The following DNM3 variants were observed in gnomAD, a reference collection of about 807,000 sequenced individuals.
DNM3 encodes the protein dynamin-3.
In DNM3, 47 loss-of-function variants were observed where a neutral mutation model predicts 101.6. The ratio of observed to expected loss-of-function variants is 0.46; its 90% CI spans 0.37 to 0.59. The LOEUF (loss-of-function observed/expected upper bound fraction) is 0.59. Among genes scored for constraint, DNM3 ranks in the 20% least tolerant of loss-of-function variants. The pLI, the probability that DNM3 is intolerant of heterozygous loss-of-function variation, is 0.00. For missense variants in DNM3, 849 were observed against 1,085.7 expected (o/e 0.78, Z 3.06); for synonymous variants, 385 against 387.9 (o/e 0.99, Z 0.09).
chr1:172,316,145 A>T (rs1342370019), intron 16 of DNM3, among the ~76,000 whole-genome samples: 1 of 152,204 alleles, frequency 6.6e-6, no homozygotes, highest in Non-Finnish European at 1.5e-5. Flanking sequence ...ACTAAGCTTC[A>T]TAAGTGAAGG....
At chr1:172,304,822 C>G (rs2064701483) in intron 15 of DNM3, among the ~76,000 whole-genome samples, 1 of 152,182 alleles carries the variant, frequency 6.6e-6, no homozygotes, top group Admixed American at 6.5e-5. Flanking sequence ...TAAAGACGTT[C>G]TTTGAAACCA....
intron 17 of DNM3, chr1:172,376,004 T>A (rs2068581974): frequency 6.6e-6 from 1 of 151,878 alleles, no homozygotes; most frequent in African/African-American, 2.4e-5. Context: ...AAAACAAAAA[T>A]AATAATAGTA....
intron 17 of DNM3, among the ~76,000 whole-genome samples, chr1:172,359,917 GT>G (rs2067656094): frequency 6.6e-6 from 1 of 151,916 alleles, no homozygotes; most frequent in South Asian, 2.1e-4. Flanking sequence ...CTGGATTCCT[GT>G]TGCACATAAC....
At chr1:171,851,537 C>T (rs544216691) in intron 1 of DNM3, among the ~76,000 whole-genome samples, 213 of 152,260 alleles carry the variant, frequency 1.4e-3, no homozygotes, top group African/African-American at 4.9e-3. Flanking sequence ...CCTCAGCCAC[C>T]TGAGTAGCTG....
intron 17 of DNM3, among the ~76,000 whole-genome samples, chr1:172,330,050 C>T (rs1044048006): frequency 6.6e-6 from 1 of 152,184 alleles, no homozygotes; most frequent in Non-Finnish European, 1.5e-5. Context: ...TGCATGTAGC[C>T]TCCCTGGAGG....
chr1:171,994,026 T>C (rs1571997991), intron 4 of DNM3, among the ~76,000 whole-genome samples: 1 of 151,304 alleles, frequency 6.6e-6, no homozygotes. Flanking sequence ...TAGATTATTA[T>C]TTTTTTTTAG....
intron 11 of DNM3, among the ~76,000 whole-genome samples, chr1:172,072,879 T>C (rs10218614): frequency 0.068 from 10,387 of 152,230 alleles, 699 homozygotes; most frequent in East Asian, 0.17. Context: ...AGAGTGAGAC[T>C]TGTCTCAAAA....
At chr1:171,982,723 T>G (rs777291899) in intron 2 of DNM3, among the ~76,000 whole-genome samples, 6 of 152,150 alleles carry the variant, frequency 3.9e-5, no homozygotes, top group South Asian at 2.1e-4. Context: ...TAGTAGTATA[T>G]AAACTGTATA....
intron 15 of DNM3, among the ~76,000 whole-genome samples, chr1:172,305,990 C>G (rs771870850): frequency 1.3e-5 from 2 of 152,338 alleles, no homozygotes; most frequent in East Asian, 1.9e-4. Flanking sequence ...GATGCCCTCT[C>G]TCACCACTCG....
At chr1:172,354,894 C>T (rs981306260) in intron 17 of DNM3, among the ~76,000 whole-genome samples, 1 of 152,070 alleles carries the variant, frequency 6.6e-6, no homozygotes, top group African/African-American at 2.4e-5. Context: ...AGCCAGGACA[C>T]TTAAAAAGCT....
intron 6 of DNM3, among the ~76,000 whole-genome samples, chr1:172,035,632 A>C (rs2048901963): frequency 6.6e-6 from 1 of 152,168 alleles, no homozygotes; most frequent in South Asian, 2.1e-4. Flanking sequence ...TCTGAGAAGC[A>C]AAAGGTGGAA....
intron 14 of DNM3, among the ~76,000 whole-genome samples, chr1:172,235,833 C>T (rs538008320): frequency 2.6e-5 from 4 of 151,620 alleles, no homozygotes; most frequent in East Asian, 1.9e-4. Flanking sequence ...CATAACACAC[C>T]GGGGCCTGTT....
At chr1:171,989,586 G>A (rs2045501345) in intron 4 of DNM3, among the ~76,000 whole-genome samples, 3 of 152,070 alleles carry the variant, frequency 2.0e-5, no homozygotes, top group Admixed American at 6.6e-5. Flanking sequence ...AAGCTCTAAT[G>A]CATGTAAGAT....
chr1:172,279,882 A>G (rs1011778869), intron 15 of DNM3, among the ~76,000 whole-genome samples: 1 of 152,138 alleles, frequency 6.6e-6, no homozygotes, highest in Non-Finnish European at 1.5e-5. Context: ...TGCAGCAACC[A>G]GAGTGGTATT....
intron 14 of DNM3, among the ~76,000 whole-genome samples, chr1:172,169,085 A>G (rs1369996115): frequency 6.6e-6 from 1 of 151,890 alleles, no homozygotes. Flanking sequence ...TCACCATAGT[A>G]TATCTTGCTC....
At chr1:172,176,334 T>A (rs536092478) in intron 14 of DNM3, among the ~76,000 whole-genome samples, 2 of 151,998 alleles carry the variant, frequency 1.3e-5, no homozygotes, top group South Asian at 4.1e-4. Context: ...CATTTTCCCC[T>A]AGAGCTGGTC....
chr1:172,109,236 T>C (rs1423255435), intron 13 of DNM3, among the ~76,000 whole-genome samples: 2 of 152,254 alleles, frequency 1.3e-5, no homozygotes, highest in African/African-American at 2.4e-5. Flanking sequence ...ATATATATTT[T>C]ATTCTCTTCA....
intron 17 of DNM3, among the ~76,000 whole-genome samples, chr1:172,344,097 A>G (rs556312006): frequency 7.2e-5 from 11 of 152,276 alleles, no homozygotes; most frequent in African/African-American, 4.8e-5. Flanking sequence ...AATGTAGCCA[A>G]TTTCTTTCCA....
intron 2 of DNM3, among the ~76,000 whole-genome samples, chr1:171,958,337 C>T (rs1345560171): frequency 6.6e-6 from 1 of 152,100 alleles, no homozygotes; most frequent in Non-Finnish European, 1.5e-5. Flanking sequence ...CAAACCATAT[C>T]ACAGGTTATG....
Sources: gnomAD v4.1 joint callset for allele counts (sites outside exome capture counted in the v4.1 genomes callset) on GRCh38, gnomAD v4.1.1 for gene constraint, MANE v1.5 for transcripts, NCBI Gene and HGNC (gene_info 2026-07-23, HGNC 2026-07-21) for gene names.